Variants in ASPH observed in about 807,000 individuals in gnomAD.
ASPH encodes the protein aspartate beta-hydroxylase.
ASPH carries 100 observed loss-of-function variants against 118.4 expected under a neutral mutation model. The ratio of observed to expected loss-of-function variants is 0.84; its 90% CI spans 0.72 to 1.00. The LOEUF (loss-of-function observed/expected upper bound fraction) is 1.00. Among genes scored for constraint, ASPH ranks in the 50% least tolerant of loss-of-function variants. The probability of loss-of-function intolerance (pLI) is 0.00; values close to 1 mark genes in which losing one functional copy is unlikely to be tolerated. For synonymous variants in ASPH, 315 were observed against 325.6 expected, an observed-to-expected ratio of 0.97 and a Z score of 0.35; for missense variants, 920 against 919.5, an observed-to-expected ratio of 1.00 and a Z score of -0.01.
In ASPH at chr8:61,638,375, A is replaced by C. The variant is rs1858846639; in HGVS notation, c.791-12T>G. ...AGGTTCATATACTGCTAAAAAAAAA[A>C]AAACAGAAACAAAATCCCGTAACTT... On this transcript the variant is annotated splice_polypyrimidine_tract_variant and intron_variant, in intron 10 of 24. Transcript: ENST00000379454. 6.4e-7 allele frequency: 1 copy of C among 1,572,882 alleles called. No individual in the cohort carries two copies. The highest frequency in any genetic ancestry group is 1.4e-5 in the African/African-American group (1 of 72,582).
chr8:61,516,709 TTAGTAA>T (rs1168546066), intron 24 of ASPH, among the ~76,000 whole-genome samples: 2 of 152,196 alleles, frequency 1.3e-5, no homozygotes, highest in African/African-American at 4.8e-5. Flanking sequence ...AAATTGGATC[TTAGTAA>T]TAGGTTTATT....
intron 1 of ASPH, among the ~76,000 whole-genome samples, chr8:61,707,839 C>T (rs747517229): frequency 6.6e-6 from 1 of 151,978 alleles, no homozygotes; most frequent in Admixed American, 6.6e-5. Context: ...TTAATACGTG[C>T]TATACAGTAT....
At position 61,607,070 on chromosome 8, in the gene ASPH, T is replaced by C. The variant is rs1266196917; in HGVS notation, c.976+11908A>G. The C allele has an allele frequency of 1.7e-5, 8 of 482,882 alleles. 1 individual carries two copies. In the South Asian group the frequency reaches 1.9e-4, roughly 12 times the overall value. The allele number at this position is 482,882 out of a possible 1,614,324, so 29.9% of individuals were successfully genotyped here. A position where few individuals can be genotyped will look rare whatever the true frequency, so the allele number is the denominator to read the frequency against. On this transcript the variant is annotated intron_variant, in intron 14 of 24. Coordinates refer to ENST00000379454, the MANE Select transcript of ASPH (RefSeq NM_004318.4). ...TTTCCTCCTTGGTGTTCCCACAGCA[T>C]TTTGTTCATAGTCTCTACCTCTTTA...
At chr8:61,628,320 C>T (rs1310581482) in intron 13 of ASPH, 4 of 338,188 alleles carry the variant, frequency 1.2e-5, no homozygotes, top group East Asian at 8.7e-5. Context: ...ACACCAAGCC[C>T]GGCTTTTTTT....
At position 61,503,401 on chromosome 8, in the gene ASPH, C is replaced by T. The variant is rs971525254; in HGVS notation, c.2235G>A (p.Pro745=). The change falls in exon 25 of 25, where the codon CCG becomes CCA. Residue 745 remains proline (P), a synonymous_variant. Transcript: ENST00000379454. ...RLIFIVDVWH[P]ELTPQQRRSL... ...TGCGTCTCTGCTGTGGTGTCAGTTC[C>T]GGATGCCACACATCCACGATGAATA... is the stretch of plus-strand genomic sequence containing the variant. The T allele has an allele frequency of 1.2e-5, 19 of 1,612,320 alleles. No individual in the cohort carries two copies. The Middle Eastern group carries it at 8.5e-4, about 72-fold the overall frequency.
intron 14 of ASPH, among the ~76,000 whole-genome samples, chr8:61,603,141 CGAGAT>C (rs1347476889): frequency 4.3e-5 from 6 of 138,280 alleles, no homozygotes; most frequent in Non-Finnish European, 6.0e-5. Flanking sequence ...TGCAGTGAGC[CGAGAT>C]CGCACCACTG....
intron 4 of ASPH, among the ~76,000 whole-genome samples, chr8:61,652,888 A>T (rs1410152213): frequency 1.3e-5 from 2 of 152,216 alleles, no homozygotes; most frequent in Non-Finnish European, 2.9e-5. Context: ...ACAGTGAAAA[A>T]ATCAGCCAAA....
intron 1 of ASPH, among the ~76,000 whole-genome samples, chr8:61,713,186 TA>T (rs1306194520): frequency 1.3e-5 from 2 of 152,262 alleles, no homozygotes; most frequent in Non-Finnish European, 2.9e-5. Flanking sequence ...GCAATGGATT[TA>T]ATGCACTACT....
At chr8:61,630,727 A>G (rs899017319) in intron 13 of ASPH, among the ~76,000 whole-genome samples, 1 of 152,206 alleles carries the variant, frequency 6.6e-6, no homozygotes, top group Non-Finnish European at 1.5e-5. Context: ...CACAATACAT[A>G]ATATATGACA....
intron 24 of ASPH, among the ~76,000 whole-genome samples, chr8:61,515,412 G>A (rs949218968): frequency 1.3e-5 from 2 of 152,042 alleles, no homozygotes; most frequent in African/African-American, 4.8e-5. Context: ...TCCTCCTCCT[G>A]GTCTACCCGA....
chr8:61,560,396 T>C (rs1390901873), intron 18 of ASPH, among the ~76,000 whole-genome samples: 1 of 152,222 alleles, frequency 6.6e-6, no homozygotes, highest in Non-Finnish European at 1.5e-5. Flanking sequence ...ATATCAATGA[T>C]TTTTATAAAT....
At chr8:61,597,196 G>GAA (rs34291472) in intron 14 of ASPH, among the ~76,000 whole-genome samples, 1,410 of 112,706 alleles carry the variant, frequency 0.013, 27 homozygotes, top group Non-Finnish European at 0.015. Flanking sequence ...ATCCAGTCAG[G>GAA]AAAAAAAAAA....
intron 21 of ASPH, among the ~76,000 whole-genome samples, chr8:61,526,945 C>T (rs1053143443): frequency 6.6e-6 from 1 of 152,114 alleles, no homozygotes. Flanking sequence ...AAACAGCTTT[C>T]CTACTTCAGG....
At chr8:61,676,405 C>T (rs1589066857) in intron 3 of ASPH, 12 of 1,265,640 alleles carry the variant, frequency 9.5e-6, no homozygotes, top group South Asian at 6.1e-5. Context: ...ATCTCAAAAG[C>T]GAGGTGCATC....
chr8:61,639,673 C>G (rs980398758), intron 10 of ASPH, among the ~76,000 whole-genome samples: 6 of 152,184 alleles, frequency 3.9e-5, no homozygotes, highest in African/African-American at 1.4e-4. Flanking sequence ...CACGTAACTA[C>G]TCTGATGGTT....
At chr8:61,566,197 A>G (rs1435156200) in intron 17 of ASPH, among the ~76,000 whole-genome samples, 1 of 152,188 alleles carries the variant, frequency 6.6e-6, no homozygotes, top group Non-Finnish European at 1.5e-5. Flanking sequence ...TCACAATATA[A>G]AAACTAACAG....
rs746620978 is a variant in ASPH, at chr8:61,646,854, T to C, written c.515A>G (p.Glu172Gly). Reference sequence around the variant, plus strand: ...TTGTGGTTCTCCTGTGGGTCCATCTTCTTGTTGCAAGTCTTCTCCCTCAAC... The same window carrying C: ...TTGTGGTTCTCCTGTGGGTCCATCTCCTTGTTGCAAGTCTTCTCCCTCAAC... ...EHVEGEDLQQ[E>G]DGPTGEPQQE... The change falls in exon 6 of 25, where the codon GAA becomes GGA. Residue 172 changes from glutamate (E) to glycine (G), a missense_variant. Glu to Gly is a moderately conservative substitution (Grantham distance 98). Coordinates refer to ENST00000379454, the MANE Select transcript of ASPH (RefSeq NM_004318.4). 6 of 1,613,846 alleles carry C rather than the reference T, an allele frequency of 3.7e-6. No individual in the cohort carries two copies. The African/African-American group carries it at 8.0e-5, about 22-fold the overall frequency.
intron 9 of ASPH, 60 bp downstream of exon 9, chr8:61,643,326 G>T: frequency 6.6e-7 from 1 of 1,508,816 alleles, no homozygotes; most frequent in Non-Finnish European, 9.1e-7. Flanking sequence ...TGTAAACACA[G>T]CATGTGATTG....
chr8:61,654,652 T>C (rs1363694960), intron 3 of ASPH, among the ~76,000 whole-genome samples: 1 of 152,216 alleles, frequency 6.6e-6, no homozygotes, highest in East Asian at 1.9e-4. Context: ...ATGTTTCTTT[T>C]ATGGACAAAA....
Sources: gnomAD v4.1 joint callset for allele counts (sites outside exome capture counted in the v4.1 genomes callset) on GRCh38, gnomAD v4.1.1 for gene constraint, MANE v1.5 for transcripts, NCBI Gene and HGNC (gene_info 2026-07-23, HGNC 2026-07-21) for gene names.